Variants in CHPT1 observed in about 807,000 individuals in gnomAD.
CHPT1 encodes the protein cholinephosphotransferase 1.
CHPT1 carries 36 observed loss-of-function variants against 47.6 expected under a neutral mutation model. That is an observed-to-expected ratio of 0.76 (90% CI 0.58 to 1.00). The LOEUF is 1.00. Ranked by LOEUF, CHPT1 falls within the 50% of genes least tolerant of loss-of-function variation. The pLI, the probability that CHPT1 is intolerant of heterozygous loss-of-function variation, is 0.00. For missense variants in CHPT1, 458 were observed against 498.1 expected, an observed-to-expected ratio of 0.92 and a Z score of 0.77; for synonymous variants, 194 against 186.3, an observed-to-expected ratio of 1.04 and a Z score of -0.33.
chr12:101,722,353 GTTC>G (rs1245166525), intron 5 of CHPT1, among the ~76,000 whole-genome samples: 4 of 152,080 alleles, frequency 2.6e-5, no homozygotes, highest in Non-Finnish European at 5.9e-5. Flanking sequence ...GAGTAAAGCT[GTTC>G]TTGTGAACCC....
At chr12:101,723,355 AATAAT>A (rs767837700) in intron 6 of CHPT1, 29 bp downstream of exon 6, 2 of 1,300,370 alleles carry the variant, frequency 1.5e-6, no homozygotes, top group South Asian at 2.6e-5. Context: ...TCATGATATA[AATAAT>A]ATACTTAGTC....
intron 1 of CHPT1, among the ~76,000 whole-genome samples, chr12:101,702,124 C>T (rs1051002305): frequency 3.3e-5 from 5 of 152,152 alleles, no homozygotes; most frequent in Non-Finnish European, 7.4e-5. Flanking sequence ...TTTAATGTAA[C>T]TCCTACATTT....
At chr12:101,727,924 G>A (rs1264116991) in intron 8 of CHPT1, 1 of 152,102 alleles carries the variant, frequency 6.6e-6, no homozygotes, top group East Asian at 1.9e-4. Flanking sequence ...ATAAGGGTGA[G>A]TTATACAGGC....
At chr12:101,722,377 G>A (rs1221056068) in intron 5 of CHPT1, among the ~76,000 whole-genome samples, 2 of 151,960 alleles carry the variant, frequency 1.3e-5, no homozygotes, top group African/African-American at 2.4e-5. Context: ...ATTTAAATTG[G>A]TTATAGATTT....
In CHPT1 at chr12:101,699,374, TATTATGTA is replaced by T. The variant is rs1566033905; in HGVS notation, c.273+1241_273+1248del. Among the ~76,000 whole-genome samples the T allele has an allele frequency of 8.5e-4, 125 of 147,342 alleles. 1 individual carries two copies. The highest frequency in any genetic ancestry group is 2.8e-3 in the African/African-American group (112 of 39,476). On this transcript the variant is annotated intron_variant, in intron 1 of 8. Coordinates refer to ENST00000229266, the MANE Select transcript of CHPT1 (RefSeq NM_020244.3). ...TATCTTGTCAATGGATTGGTATGCT[TATTATGTA>T]TTTCTTTTCTTTTTTTTTTTTTTGA...
rs117268532 is a variant in CHPT1 at position 101,713,549 on chromosome 12, A to G, written c.274-541A>G. 1.3e-3 allele frequency among the ~76,000 whole-genome samples: 201 copies of G among 152,326 alleles called. 3 individuals carry two copies. The East Asian group carries it at 0.03, about 23-fold the overall frequency. ...CTGGGAAGTTAGCTGGAGCAGTCGC[A>G]GGGCTCATCTCATTTGTTTCCCTTC... On this transcript the variant is annotated intron_variant, in intron 1 of 8. Transcript: ENST00000229266.
chr12:101,707,830 A>G (rs1951653627), intron 1 of CHPT1, among the ~76,000 whole-genome samples: 1 of 152,138 alleles, frequency 6.6e-6, no homozygotes, highest in Non-Finnish European at 1.5e-5. Context: ...AGAGAAGTAG[A>G]TGCCTCCTCT....
rs1350564502 is a variant in CHPT1 at position 101,712,541 on chromosome 12, T to C, written c.274-1549T>C. ...TCTAAGACTCTAGTTACATATGTGC[T>C]AGACTGCTTTCTGTTGTCCCACCAC... On this transcript the variant is annotated intron_variant, in intron 1 of 8. Transcript: ENST00000229266. Among the ~76,000 whole-genome samples the C allele has an allele frequency of 1.3e-5, 2 of 148,546 alleles. 1 individual carries two copies.
At chr12:101,727,913 G>C (rs1952003104) in intron 8 of CHPT1, 1 of 152,082 alleles carries the variant, frequency 6.6e-6, no homozygotes, top group Non-Finnish European at 1.5e-5. Context: ...TTATAACTAA[G>C]ATAAGGGTGA....
chr12:101,722,866 T>G (rs1951875609), intron 5 of CHPT1, among the ~76,000 whole-genome samples: 1 of 152,222 alleles, frequency 6.6e-6, no homozygotes, highest in Non-Finnish European at 1.5e-5. Flanking sequence ...AATCCACATG[T>G]GGACTGCCTT....
chr12:101,719,156 GAAAAAAAA>G (rs779382436), intron 4 of CHPT1, among the ~76,000 whole-genome samples: 3 of 95,042 alleles, frequency 3.2e-5, no homozygotes, highest in South Asian at 3.6e-4. Context: ...CTCGTCTCAA[GAAAAAAAA>G]AAAAAAAAAA....
chr12:101,715,095 A>G (rs930041254), intron 3 of CHPT1: 1 of 152,964 alleles, frequency 6.5e-6, no homozygotes, highest in African/African-American at 2.4e-5. Context: ...GAGACTCTCA[A>G]CTGTGGTAGG....
chr12:101,710,148 C>T (rs1238333604), intron 1 of CHPT1, among the ~76,000 whole-genome samples: 1 of 148,258 alleles, frequency 6.7e-6, no homozygotes, highest in East Asian at 2.0e-4. Context: ...AGTTGGAGAC[C>T]GGCCTGGGCA....
chr12:101,722,621 G>C (rs1046506816), intron 5 of CHPT1, among the ~76,000 whole-genome samples: 1 of 151,640 alleles, frequency 6.6e-6, no homozygotes, highest in East Asian at 1.9e-4. Flanking sequence ...GAGAAGCTGA[G>C]GCTGGGAGGA....
rs148298877 is a variant in CHPT1, at chr12:101,720,722, TA to T, written c.780+470del. On this transcript the variant is annotated intron_variant, in intron 5 of 8. Coordinates refer to ENST00000229266, the MANE Select transcript of CHPT1 (RefSeq NM_020244.3). Reference sequence around the variant, plus strand: ...ATTTCAAAAGGTAAAATTTTAACTTTAATTCTTAAGTGGGTATACTTTGTGC... The same window carrying T: ...ATTTCAAAAGGTAAAATTTTAACTTTATTCTTAAGTGGGTATACTTTGTGC... 3.4e-3 allele frequency among the ~76,000 whole-genome samples: 523 copies of T among 152,358 alleles called. 3 individuals carry two copies. The highest frequency in any genetic ancestry group is 0.012 in the African/African-American group (502 of 41,584).
chr12:101,726,542 A>G, intron 8 of CHPT1, 138 bp downstream of exon 8: 1 of 1,236,418 alleles, frequency 8.1e-7, no homozygotes, highest in Non-Finnish European at 1.1e-6. Context: ...TAAAACATAA[A>G]CCCTGTAGAT....
rs1211678832 is a variant in CHPT1 at position 101,720,138 on chromosome 12, A to G, written c.664A>G (p.Ile222Val). 1.9e-6 allele frequency: 3 copies of G among 1,589,552 alleles called. No individual in the cohort carries two copies. Among genetic ancestry groups the G allele is most frequent in the Non-Finnish European group, 2.6e-6 (3 of 1,168,102 alleles). ...ACCCCTAAAGATTCCTATTCTAGAA[A>G]TAAAATTGAAGATCCTTCCAGTTCT... ...MWDYTIPILE[I>V]KLKILPVLGF... Residue 222 changes from isoleucine to valine, a missense_variant, in exon 5 of 9, where the codon ATA (isoleucine) becomes GTA (valine). Coordinates refer to ENST00000229266, the MANE Select transcript of CHPT1 (RefSeq NM_020244.3).
intron 8 of CHPT1, chr12:101,727,193 A>G (rs1951970141): frequency 1.1e-5 from 1 of 90,684 alleles, no homozygotes; most frequent in Non-Finnish European, 2.0e-5. Flanking sequence ...AGTAACTTAG[A>G]AAAACTTACT....
intron 1 of CHPT1, among the ~76,000 whole-genome samples, chr12:101,709,350 T>C (rs1289347935): frequency 3.8e-4 from 52 of 135,512 alleles, no homozygotes; most frequent in African/African-American, 1.4e-3. Flanking sequence ...AACATGTGCC[T>C]CTGCACTCCA....
Sources: gnomAD v4.1 joint callset for allele counts (sites outside exome capture counted in the v4.1 genomes callset) on GRCh38, gnomAD v4.1.1 for gene constraint, MANE v1.5 for transcripts, NCBI Gene and HGNC (gene_info 2026-07-23, HGNC 2026-07-21) for gene names.